The following CUL5 variants were observed in gnomAD, a reference collection of about 807,000 sequenced individuals.
The protein encoded by CUL5 is cullin-5.
Under a neutral mutation model 108.8 loss-of-function variants are expected in CUL5, and 26 were observed. That is an observed-to-expected ratio of 0.24 (90% CI 0.18 to 0.33). CUL5 has a LOEUF of 0.33. Ranked by LOEUF, CUL5 falls within the 10% of genes least tolerant of loss-of-function variation. The pLI is 1.00. For missense variants in CUL5, 524 were observed against 909.2 expected (o/e 0.58, Z 5.45); for synonymous variants, 334 against 298.0 (o/e 1.12, Z -1.25).
At chr11:108,029,344 ATGT>A (rs966009356) in intron 1 of CUL5, among the ~76,000 whole-genome samples, 11 of 152,192 alleles carry the variant, frequency 7.2e-5, no homozygotes, top group African/African-American at 1.4e-4. Flanking sequence ...AGTATGGCAA[ATGT>A]TGTAGTTCTC....
At position 108,027,683 on chromosome 11, in the gene CUL5, A is replaced by G. The variant is rs991407324; in HGVS notation, c.25-6119A>G. ...CTCAGCCTCCCAGTGTTGGGATTAC[A>G]AGCATGAACTATTGCGCCTGGCTCC... On this transcript the variant is annotated intron_variant, in intron 1 of 18. Coordinates refer to ENST00000393094, the MANE Select transcript of CUL5 (RefSeq NM_003478.6). Among the ~76,000 whole-genome samples, 3 of 152,228 alleles carry G rather than the reference A, an allele frequency of 2.0e-5. No individual in the cohort carries two copies. In the East Asian group the frequency reaches 5.8e-4, roughly 29 times the overall value.
At chr11:108,054,278 G>A (rs1161503169) in intron 5 of CUL5, among the ~76,000 whole-genome samples, 1 of 152,086 alleles carries the variant, frequency 6.6e-6, no homozygotes, top group Non-Finnish European at 1.5e-5. Flanking sequence ...ATTTTCTTGT[G>A]CTTTTCTGCT....
intron 7 of CUL5, among the ~76,000 whole-genome samples, chr11:108,055,391 G>C (rs775881726): frequency 4.6e-5 from 7 of 151,868 alleles, no homozygotes; most frequent in Non-Finnish European, 1.0e-4. Flanking sequence ...TATTCCTAGG[G>C]GATATTTCTT....
intron 2 of CUL5, among the ~76,000 whole-genome samples, chr11:108,036,446 A>G (rs1016881253): frequency 6.6e-6 from 1 of 152,222 alleles, no homozygotes; most frequent in Non-Finnish European, 1.5e-5. Context: ...TGCAAAGTAC[A>G]AAGTCATCTT....
chr11:108,094,412 T>G lies in CUL5; in HGVS notation c.1465T>G (p.Tyr489Asp). ...WLREVGMPAD[Y>D]VNKLARMFQD... ...ATAGGAAGTTGGTATGCCAGCGGAT[T>G]ATGTAAACAAGCTTGCTAGAATGTT... The change falls in exon 14 of 19, where the codon TAT becomes GAT. Residue 489 changes from tyrosine to aspartate, a missense_variant. By Grantham distance (160) the Tyr-to-Asp change is radical. Transcript: ENST00000393094. 1 of 1,585,156 alleles carries G rather than the reference T, an allele frequency of 6.3e-7. No individual in the cohort carries two copies. Among genetic ancestry groups the G allele is most frequent in the Admixed American group, 1.8e-5 (1 of 56,036 alleles).
chr11:108,032,514 A>T (rs571775844), intron 1 of CUL5, among the ~76,000 whole-genome samples: 1 of 152,296 alleles, frequency 6.6e-6, no homozygotes, highest in East Asian at 1.9e-4. Context: ...TCTTAAAAAC[A>T]AACAAAAAAC....
At chr11:108,093,215 G>A (rs1444544403) in intron 13 of CUL5, among the ~76,000 whole-genome samples, 1 of 152,176 alleles carries the variant, frequency 6.6e-6, no homozygotes, top group Non-Finnish European at 1.5e-5. Context: ...TGTGTAACTT[G>A]ACAGAGTAAG....
At chr11:108,067,333 C>G (rs1349896822) in intron 7 of CUL5, among the ~76,000 whole-genome samples, 1 of 152,152 alleles carries the variant, frequency 6.6e-6, no homozygotes, top group Non-Finnish European at 1.5e-5. Context: ...TAAGCATTTA[C>G]CAAATTCTTC....
intron 7 of CUL5, among the ~76,000 whole-genome samples, chr11:108,066,064 G>A (rs904216558): frequency 6.6e-6 from 1 of 152,090 alleles, no homozygotes; most frequent in Non-Finnish European, 1.5e-5. Flanking sequence ...GTACTGGCTG[G>A]CCGTGGTGGC....
chr11:108,097,025 GT>G (rs1161303745), intron 16 of CUL5, among the ~76,000 whole-genome samples: 2 of 151,714 alleles, frequency 1.3e-5, no homozygotes, highest in African/African-American at 4.8e-5. Flanking sequence ...AAAGTTCCAG[GT>G]TTTTTTGTTG....
chr11:108,027,055 C>T (rs1862469016), intron 1 of CUL5, among the ~76,000 whole-genome samples: 1 of 151,020 alleles, frequency 6.6e-6, no homozygotes, highest in South Asian at 2.1e-4. Context: ...CATGCCATTT[C>T]TTTACTCTCT....
At position 108,073,377 on chromosome 11, in the gene CUL5, C is replaced by G. The variant is rs771111510; in HGVS notation, c.1006-13C>G. 7.9e-7 allele frequency: 1 copy of G among 1,271,768 alleles called. No individual in the cohort carries two copies. Among genetic ancestry groups the G allele is most frequent in the Non-Finnish European group, 1.1e-6 (1 of 894,402 alleles). The allele number at this position is 1,271,768 out of a possible 1,614,324, so 78.8% of individuals were successfully genotyped here. On this transcript the variant is annotated splice_polypyrimidine_tract_variant and intron_variant, in intron 9 of 18. Transcript: ENST00000393094. Reference sequence around the variant, plus strand: ...TTCTTTTAAAAACTTAATGTAAAACCTTTTGTTTCTAGGACTCTGAGAAAT... The same window carrying G: ...TTCTTTTAAAAACTTAATGTAAAACGTTTTGTTTCTAGGACTCTGAGAAAT...
intron 7 of CUL5, among the ~76,000 whole-genome samples, chr11:108,062,008 C>T (rs1002672931): frequency 2.0e-5 from 3 of 152,176 alleles, no homozygotes; most frequent in African/African-American, 7.2e-5. Context: ...CTGATCCAAT[C>T]ACCTCCCACC....
intron 1 of CUL5, among the ~76,000 whole-genome samples, chr11:108,016,603 G>T (rs4753827): frequency 0.72 from 109,418 of 152,034 alleles, 40,385 homozygotes; most frequent in East Asian, 0.93. Context: ...CCAGTTGTCA[G>T]TAAGAGCCAT....
intron 11 of CUL5, 140 bp from the exon 12 acceptor site, chr11:108,088,387 G>T (rs1429940937): frequency 5.8e-6 from 5 of 863,736 alleles, no homozygotes; most frequent in Non-Finnish European, 8.7e-6. Flanking sequence ...GGCACCCTAG[G>T]ATGCTTGCTT....
intron 11 of CUL5, 76 bp from the exon 12 acceptor site, chr11:108,088,451 G>T: frequency 7.0e-7 from 1 of 1,426,132 alleles, no homozygotes; most frequent in South Asian, 1.3e-5. Flanking sequence ...ATTCGCTTGT[G>T]AATCATTGAC....
intron 1 of CUL5, 30 bp downstream of exon 1, chr11:108,009,402 C>T (rs373410387): frequency 3.7e-6 from 6 of 1,612,924 alleles, no homozygotes; most frequent in Non-Finnish European, 4.2e-6. Context: ...TTGGGTTTTA[C>T]TGTGTGGCCG....
intron 7 of CUL5, among the ~76,000 whole-genome samples, chr11:108,064,658 C>G (rs965512476): frequency 6.6e-6 from 1 of 152,044 alleles, no homozygotes; most frequent in African/African-American, 2.4e-5. Context: ...TGCAGTGAGC[C>G]AAGATCATGC....
intron 1 of CUL5, among the ~76,000 whole-genome samples, chr11:108,015,506 C>G (rs1862160877): frequency 6.6e-6 from 1 of 152,120 alleles, no homozygotes; most frequent in Non-Finnish European, 1.5e-5. Flanking sequence ...TAGAAATTGC[C>G]CTCTTGAAAC....
Sources: allele counts gnomAD v4.1 joint callset (sites outside exome capture counted in the v4.1 genomes callset), GRCh38; gene constraint gnomAD v4.1.1; transcripts MANE v1.5; gene names NCBI Gene and HGNC (gene_info 2026-07-23, HGNC 2026-07-21).